ITPR1: variants seen among roughly 807,000 people sequenced by gnomAD.
The protein encoded by ITPR1 is inositol 1,4,5-trisphosphate-gated calcium channel ITPR1.
In ITPR1, 96 loss-of-function variants were observed where a neutral mutation model predicts 318.4. The ratio of observed to expected loss-of-function variants is 0.30; its 90% CI spans 0.26 to 0.36. ITPR1 has a LOEUF of 0.36. Among genes scored for constraint, ITPR1 ranks in the 10% least tolerant of loss-of-function variants. The probability of loss-of-function intolerance (pLI) is 1.00; values close to 1 mark genes in which losing one functional copy is unlikely to be tolerated. For synonymous variants in ITPR1, 1,312 were observed against 1,289.9 expected (o/e 1.02, Z -0.37); for missense variants, 2,440 against 3,460.2 (o/e 0.71, Z 7.40).
chr3:4,517,496 G>A (rs2082254611), intron 3 of ITPR1, among the ~76,000 whole-genome samples: 1 of 152,098 alleles, frequency 6.6e-6, no homozygotes, highest in Admixed American at 6.5e-5. Flanking sequence ...TTGTTTCCTG[G>A]TATTTGTGCA....
chr3:4,551,200 C>T (rs1033054629), intron 4 of ITPR1, among the ~76,000 whole-genome samples: 9 of 152,122 alleles, frequency 5.9e-5, no homozygotes, highest in Non-Finnish European at 1.0e-4. Flanking sequence ...TTTTGTTGCT[C>T]TTATTCTTGT....
chr3:4,684,188 CCCTT>C lies in ITPR1; in HGVS notation c.3499-92_3499-89del. The C allele has an allele frequency of 5.0e-6, 4 of 804,258 alleles. No individual in the cohort carries two copies. The East Asian group carries it at 1.1e-4, about 21-fold the overall frequency. The allele number at this position is 804,258 out of a possible 1,614,324, so 49.8% of individuals were successfully genotyped here. Reference sequence around the variant, plus strand: ...GACTATTGTAAAACAGTATAGAACTCCCTTTCTTTCCTAAAGGTCGATGCTAACT... The same window carrying C: ...GACTATTGTAAAACAGTATAGAACTCTCTTTCCTAAAGGTCGATGCTAACT... On this transcript the variant is annotated intron_variant, in intron 28 of 61. Transcript: ENST00000649015.
At chr3:4,501,876 G>T (rs746557759) in intron 2 of ITPR1, among the ~76,000 whole-genome samples, 3 of 152,196 alleles carry the variant, frequency 2.0e-5, no homozygotes, top group African/African-American at 7.2e-5. Context: ...AGGAACTTAT[G>T]TTTTATCATA....
chr3:4,569,977 G>T (rs773582030), intron 4 of ITPR1, among the ~76,000 whole-genome samples: 3 of 152,104 alleles, frequency 2.0e-5, no homozygotes, highest in Non-Finnish European at 4.4e-5. Context: ...TGGAGGGCTG[G>T]TATTTACTGA....
intron 4 of ITPR1, among the ~76,000 whole-genome samples, chr3:4,624,829 C>T (rs1025841989): frequency 6.6e-6 from 1 of 152,178 alleles, no homozygotes; most frequent in African/African-American, 2.4e-5. Context: ...ATGTAAACTA[C>T]TGTCTCCTGG....
chr3:4,795,792 T>C (rs974150500), intron 53 of ITPR1, among the ~76,000 whole-genome samples: 1 of 152,182 alleles, frequency 6.6e-6, no homozygotes, highest in Non-Finnish European at 1.5e-5. Flanking sequence ...CCTACCTCCT[T>C]CCAGGCTACA....
At position 4,496,642 on chromosome 3, in the gene ITPR1, T is replaced by A. The variant is rs189545618; in HGVS notation, c.-17+2136T>A. Among the ~76,000 whole-genome samples, 1,059 of 152,316 alleles carry A rather than the reference T, an allele frequency of 7.0e-3. 10 individuals are homozygous for A. Among genetic ancestry groups the A allele is most frequent in the African/African-American group, 0.024 (982 of 41,558 alleles). ...GATCAAGAGTCTTTTCTTCAAAATA[T>A]TTTTAAGTGAGGAAGATCAGGGTGT... On this transcript the variant is annotated intron_variant, in intron 2 of 61. Coordinates refer to ENST00000649015, the MANE Select transcript of ITPR1 (RefSeq NM_001378452.1).
rs1412066204 is a variant in ITPR1, at chr3:4,673,406, A to AACCT, written c.2456+20_2456+23dup. The stretch of plus-strand genomic sequence containing the variant: ...TTGACGAGTGAGCCTGGCACCTGAA[A>AACCT]ACCTCACTTTACATTATTCTGTGCG... On this transcript the variant is annotated intron_variant, in intron 21 of 61. Coordinates refer to ENST00000649015, the MANE Select transcript of ITPR1 (RefSeq NM_001378452.1). 5.7e-6 allele frequency: 9 copies of AACCT among 1,586,614 alleles called. No homozygotes were observed. In the East Asian group the frequency reaches 1.8e-4, roughly 32 times the overall value.
At chr3:4,776,585 T>C (rs1261824689) in intron 47 of ITPR1, among the ~76,000 whole-genome samples, 1 of 152,198 alleles carries the variant, frequency 6.6e-6, no homozygotes, top group Non-Finnish European at 1.5e-5. Flanking sequence ...GAATAGCATT[T>C]TGTGAGATGC....
chr3:4,529,490 G>A (rs750614996), intron 4 of ITPR1, among the ~76,000 whole-genome samples: 4 of 152,168 alleles, frequency 2.6e-5, no homozygotes, highest in South Asian at 2.1e-4. Flanking sequence ...TTATAATCCC[G>A]TCTTGAGCAT....
At chr3:4,574,310 C>G (rs531586073) in intron 4 of ITPR1, among the ~76,000 whole-genome samples, 3 of 151,930 alleles carry the variant, frequency 2.0e-5, no homozygotes, top group Non-Finnish European at 2.9e-5. Flanking sequence ...TTGGCTGCTC[C>G]TTATTACCTG....
intron 16 of ITPR1, among the ~76,000 whole-genome samples, chr3:4,664,130 A>G (rs143612902): frequency 1.3e-5 from 2 of 152,326 alleles, no homozygotes; most frequent in African/African-American, 4.8e-5. Flanking sequence ...TATTTCATAC[A>G]TTTGGGAGAT....
At chr3:4,841,281 G>A (rs1223048992) in intron 61 of ITPR1, among the ~76,000 whole-genome samples, 2 of 152,160 alleles carry the variant, frequency 1.3e-5, no homozygotes, top group African/African-American at 4.8e-5. Flanking sequence ...GGTAGGTAGT[G>A]GTCCTGTGTG....
intron 27 of ITPR1, 30 bp from the exon 28 acceptor site, chr3:4,683,598 G>A (rs1258031920): frequency 6.2e-7 from 1 of 1,613,934 alleles, no homozygotes; most frequent in Non-Finnish European, 8.5e-7. Flanking sequence ...AGAAGCTGTT[G>A]TGTGCACCTA....
At chr3:4,770,729 C>T (rs1350142296) in intron 46 of ITPR1, among the ~76,000 whole-genome samples, 1 of 152,192 alleles carries the variant, frequency 6.6e-6, no homozygotes, top group South Asian at 2.1e-4. Flanking sequence ...CGTTAGAACA[C>T]CTCAGCCCTA....
At chr3:4,622,987 G>T (rs1258122902) in intron 4 of ITPR1, among the ~76,000 whole-genome samples, 2 of 152,208 alleles carry the variant, frequency 1.3e-5, no homozygotes, top group African/African-American at 4.8e-5. Flanking sequence ...TGGACACAGT[G>T]GGGTTTCTGC....
intron 10 of ITPR1, among the ~76,000 whole-genome samples, chr3:4,647,554 C>T (rs2093488013): frequency 6.6e-6 from 1 of 152,098 alleles, no homozygotes; most frequent in Admixed American, 6.5e-5. Context: ...TTTTACATTC[C>T]CACAAGTAAT....
chr3:4,784,656 A>T (rs532995209), intron 51 of ITPR1, among the ~76,000 whole-genome samples: 1 of 148,458 alleles, frequency 6.7e-6, no homozygotes, highest in South Asian at 2.1e-4. Context: ...CGAGGCAGGT[A>T]GATCACTTGA....
chr3:4,827,211 C>T (rs56386567), intron 60 of ITPR1, among the ~76,000 whole-genome samples: 84,457 of 152,058 alleles, frequency 0.56, 24,075 homozygotes, highest in Middle Eastern at 0.68. Context: ...GCACCACCAC[C>T]GTGCTGCCCG....
Sources: allele counts gnomAD v4.1 joint callset (sites outside exome capture counted in the v4.1 genomes callset), GRCh38; gene constraint gnomAD v4.1.1; transcripts MANE v1.5; gene names NCBI Gene and HGNC (gene_info 2026-07-23, HGNC 2026-07-21).